Variants in AFF2 observed in about 807,000 individuals in gnomAD.
AFF2 encodes the protein AF4/FMR2 family member 2.
In AFF2, 14 loss-of-function variants were observed where a neutral mutation model predicts 76.9. The observed-to-expected ratio is 0.18, with a 90% CI of 0.12 to 0.28. The LOEUF is 0.28. AFF2 is among the 10% of genes least tolerant of loss of function. The pLI is 1.00. For missense variants in AFF2, 868 were observed against 1,001.1 expected, an observed-to-expected ratio of 0.87 and a Z score of 1.79; for synonymous variants, 398 against 366.7, an observed-to-expected ratio of 1.09 and a Z score of -0.98.
chrX:148,939,155 A>AT (rs1239630397), intron 9 of AFF2, among the ~76,000 whole-genome samples: 3 of 111,493 alleles, frequency 2.7e-5, no homozygotes, highest in African/African-American at 9.8e-5. Flanking sequence ...CTGTGCTTTT[A>AT]TTTTTCCCTT....
intron 7 of AFF2, among the ~76,000 whole-genome samples, chrX:148,858,853 C>T (rs1437396910): frequency 9.1e-5 from 10 of 109,487 alleles, no homozygotes; most frequent in African/African-American, 3.3e-4. Context: ...ATTTATAATG[C>T]AATTCCAATT....
intron 1 of AFF2, among the ~76,000 whole-genome samples, chrX:148,527,364 G>A (rs782784030): frequency 3.6e-5 from 4 of 112,346 alleles, no homozygotes; most frequent in Non-Finnish European, 7.5e-5. Context: ...GTGCTCCAGG[G>A]TAAAGGAGGC....
chrX:148,549,892 G>A lies in AFF2; in HGVS notation c.47+48748G>A, dbSNP rs782739213. 4.5e-5 allele frequency among the ~76,000 whole-genome samples: 5 copies of A among 112,174 alleles called. No individual in the cohort carries two copies. In the South Asian group the frequency reaches 1.8e-3, roughly 41 times the overall value. ...GTTATTAAAAACAATATGTCTAATA[G>A]TTTATTATACATTTTCAAATAGCTT... On this transcript the variant is annotated intron_variant, in intron 1 of 20. Transcript: ENST00000370460.
chrX:148,636,482 A>G (rs1274752844), intron 1 of AFF2, among the ~76,000 whole-genome samples: 1 of 112,171 alleles, frequency 8.9e-6, no homozygotes, highest in Non-Finnish European at 1.9e-5. Flanking sequence ...GTTGCAGAGC[A>G]TGGGCCTGCA....
At chrX:148,571,864 A>G (rs1453558590) in intron 1 of AFF2, among the ~76,000 whole-genome samples, 3 of 111,280 alleles carry the variant, frequency 2.7e-5, no homozygotes, top group African/African-American at 6.5e-5. Flanking sequence ...ACCTACATAT[A>G]GGAAGCACTT....
In AFF2 at chrX:148,998,303, C is replaced by T. The variant is rs2072631281; in HGVS notation, c.*6971C>T. On this transcript the variant is annotated 3_prime_UTR_variant, in exon 21 of 21. Coordinates refer to ENST00000370460, the MANE Select transcript of AFF2 (RefSeq NM_002025.4). Reference sequence around the variant, plus strand: ...TCTCTCTGGCTCTGGCTTTTGCTTTCCTGCTAGTGTTCTTTCTCTTTCCAA... The same window carrying T: ...TCTCTCTGGCTCTGGCTTTTGCTTTTCTGCTAGTGTTCTTTCTCTTTCCAA... The T allele has an allele frequency of 9.0e-6, 1 of 111,521 alleles. No homozygotes were observed. Among genetic ancestry groups the T allele is most frequent in the Non-Finnish European group, 1.9e-5 (1 of 53,016 alleles). 9.2% of individuals were successfully genotyped at this position (111,521 alleles called of 1,213,427 possible). A position where few individuals can be genotyped will look rare whatever the true frequency, so the allele number is the denominator to read the frequency against.
intron 3 of AFF2, among the ~76,000 whole-genome samples, chrX:148,664,037 C>A (rs1163409065): frequency 1.8e-5 from 2 of 111,850 alleles, no homozygotes; most frequent in Non-Finnish European, 3.8e-5. Flanking sequence ...CATCTCTACC[C>A]CCACTGCCTT....
intron 1 of AFF2, among the ~76,000 whole-genome samples, chrX:148,564,083 A>T (rs1429639741): frequency 8.9e-6 from 1 of 112,160 alleles, no homozygotes; most frequent in Admixed American, 9.4e-5. Context: ...GGGAAAAAAT[A>T]TGATAGAACA....
At chrX:148,601,655 G>C (rs782260615) in intron 1 of AFF2, among the ~76,000 whole-genome samples, 1 of 110,137 alleles carries the variant, frequency 9.1e-6, no homozygotes, top group Non-Finnish European at 1.9e-5. Context: ...ATTTCTTAAG[G>C]TTATATCTTT....
intron 1 of AFF2, among the ~76,000 whole-genome samples, chrX:148,647,103 A>G (rs2054151613): frequency 8.9e-6 from 1 of 112,214 alleles, no homozygotes; most frequent in Admixed American, 9.4e-5. Flanking sequence ...ATATCTACAC[A>G]TGTTATAGAA....
intron 9 of AFF2, among the ~76,000 whole-genome samples, chrX:148,927,098 T>C (rs1276831780): frequency 1.8e-5 from 2 of 112,169 alleles, no homozygotes; most frequent in African/African-American, 6.5e-5. Context: ...TTTTTTCTTA[T>C]GGTATGCCTG....
intron 3 of AFF2, among the ~76,000 whole-genome samples, chrX:148,663,410 A>G (rs1309774592): frequency 8.9e-6 from 1 of 112,373 alleles, no homozygotes; most frequent in African/African-American, 3.2e-5. Context: ...AGCAAAAAGC[A>G]TTACGAGCAA....
intron 9 of AFF2, among the ~76,000 whole-genome samples, chrX:148,951,367 G>A (rs2071966739): frequency 9.0e-6 from 1 of 111,726 alleles, no homozygotes; most frequent in Admixed American, 9.5e-5. Flanking sequence ...AAATTATCTA[G>A]TAAGTGGAAC....
At chrX:148,893,010 AATGT>A (rs2071241429) in intron 8 of AFF2, among the ~76,000 whole-genome samples, 2 of 112,123 alleles carry the variant, frequency 1.8e-5, no homozygotes, top group Non-Finnish European at 3.8e-5. Flanking sequence ...AGAGTCTTTT[AATGT>A]AAACAGTTTA....
intron 3 of AFF2, among the ~76,000 whole-genome samples, chrX:148,771,891 A>G (rs1442526480): frequency 8.9e-6 from 1 of 111,793 alleles, no homozygotes; most frequent in African/African-American, 3.2e-5. Context: ...ACGTGTATAT[A>G]TGCATCCCAG....
At chrX:148,649,242 G>A (rs2054179072) in intron 1 of AFF2, among the ~76,000 whole-genome samples, 1 of 111,893 alleles carries the variant, frequency 8.9e-6, no homozygotes, top group Non-Finnish European at 1.9e-5. Flanking sequence ...AACTGCAGTA[G>A]GTATAACAAG....
At chrX:148,509,517 T>C (rs1557232885) in intron 1 of AFF2, among the ~76,000 whole-genome samples, 5 of 111,993 alleles carry the variant, frequency 4.5e-5, no homozygotes. Flanking sequence ...CAAGAAGAGC[T>C]TTGGAAACAT....
intron 3 of AFF2, among the ~76,000 whole-genome samples, chrX:148,742,646 C>T (rs782729465): frequency 5.4e-4 from 60 of 111,601 alleles, no homozygotes; most frequent in African/African-American, 1.8e-3. Context: ...AAAATTCTAC[C>T]ACATTGTTGG....
At chrX:148,527,198 C>G (rs1374940943) in intron 1 of AFF2, among the ~76,000 whole-genome samples, 3 of 111,983 alleles carry the variant, frequency 2.7e-5, no homozygotes, top group African/African-American at 9.7e-5. Context: ...GAGGGGAACA[C>G]AAGATCACTT....
Sources: allele counts gnomAD v4.1 joint callset (sites outside exome capture counted in the v4.1 genomes callset), GRCh38; gene constraint gnomAD v4.1.1; transcripts MANE v1.5; gene names NCBI Gene and HGNC (gene_info 2026-07-23, HGNC 2026-07-21).